The following WDR35 variants were observed in gnomAD, a reference collection of about 807,000 sequenced individuals.
WDR35 encodes the protein WD repeat domain 35.
WDR35 carries 118 observed loss-of-function variants against 158.3 expected under a neutral mutation model. The observed-to-expected ratio is 0.75, with a 90% confidence interval of 0.64 to 0.87. The LOEUF is 0.87. Ranked by LOEUF, WDR35 falls within the 40% of genes least tolerant of loss-of-function variation. The pLI, the probability that WDR35 is intolerant of heterozygous loss-of-function variation, is 0.00. For missense variants in WDR35, 1,263 were observed against 1,405.8 expected (o/e 0.90, Z 1.62); for synonymous variants, 448 against 476.1 (o/e 0.94, Z 0.77).
At chr2:19,951,562 GACA>G in intron 12 of WDR35, 78 bp from the exon 13 acceptor site, 2 of 1,116,124 alleles carry the variant, frequency 1.8e-6, no homozygotes, top group Non-Finnish European at 1.3e-6. Flanking sequence ...TAAACGATTG[GACA>G]ACATCAATTA....
chr2:19,944,087 A>G (rs1670971119), intron 16 of WDR35, among the ~76,000 whole-genome samples: 1 of 152,092 alleles, frequency 6.6e-6, no homozygotes, highest in Non-Finnish European at 1.5e-5. Context: ...ATGTTCTTAC[A>G]TGATCAATAA....
Position 19,914,206 on chromosome 2 carries a change from A to T in WDR35, c.3193T>A (p.Cys1065Ser), listed in dbSNP as rs200258619. 95 of 1,614,028 alleles carry T rather than the reference A, an allele frequency of 5.9e-5. No individual in the cohort carries two copies. The highest frequency in any genetic ancestry group is 7.7e-5 in the Non-Finnish European group (91 of 1,180,008). Residue 1065 changes from cysteine to serine, a missense_variant, in exon 26 of 27, where the codon TGC becomes AGC. Physicochemically the swap from Cys to Ser is moderately radical, Grantham distance 112. Coordinates refer to ENST00000281405, the MANE Select transcript of WDR35 (RefSeq NM_020779.4). ...CAAGTCCCAAAGGCTCTGCTGGCGC[A>T]TGCGCAGAGTGCTAGCAGAGAGTAG... ...EIYSLLALCA[C>S]ASRAFGTCSK... is the part of the protein sequence containing the mutation.
rs759975521 is a variant in WDR35, at chr2:19,945,955, A to G, written c.1676T>C (p.Phe559Ser). 2 of 1,613,958 alleles carry G rather than the reference A, an allele frequency of 1.2e-6. No individual in the cohort carries two copies. Among genetic ancestry groups the G allele is most frequent in the Non-Finnish European group, 1.7e-6 (2 of 1,179,848 alleles). Reference sequence around the variant, plus strand: ...GTCCGTTACTCGAGCATCCAAGTCAAAGAAAGTCAGAACTCCTGAGATGTC... The same window carrying G: ...GTCCGTTACTCGAGCATCCAAGTCAGAGAAAGTCAGAACTCCTGAGATGTC... ...IIDISGVLTF[F>S]DLDARVTDST... The change falls in exon 16 of 27, where the codon TTT (phenylalanine) becomes TCT (serine). Residue 559 changes from phenylalanine (F) to serine (S), a missense_variant. Physicochemically the swap from Phe to Ser is radical, Grantham distance 155. Coordinates refer to ENST00000281405, the MANE Select transcript of WDR35 (RefSeq NM_020779.4).
chr2:19,988,548 C>T (rs1281914194), intron 2 of WDR35, among the ~76,000 whole-genome samples: 2 of 152,138 alleles, frequency 1.3e-5, no homozygotes, highest in Admixed American at 6.5e-5. Flanking sequence ...GTAGTAAGAT[C>T]CTCAGCTAAC....
At chr2:19,914,416 G>A (rs1344424384) in intron 25 of WDR35, 139 bp from the exon 26 acceptor site, 7 of 1,071,870 alleles carry the variant, frequency 6.5e-6, no homozygotes, top group Non-Finnish European at 6.8e-6. Context: ...AGAGATGGGA[G>A]CACCAAGAGG....
Position 19,913,438 on chromosome 2 carries a change from A to G in WDR35, c.*120T>C. On this transcript the variant is annotated 3_prime_UTR_variant, in exon 27 of 27. Coordinates refer to ENST00000281405, the MANE Select transcript of WDR35 (RefSeq NM_020779.4). ...ATATATTTTGTGCAAAAATTCAACT[A>G]TAAATAATGAGGCTGATTTTCATAC... The G allele has an allele frequency of 7.5e-7, 1 of 1,335,998 alleles. No homozygotes were observed. The highest frequency in any genetic ancestry group is 1.4e-5 in the South Asian group (1 of 71,874). 82.8% of individuals were successfully genotyped at this position (1,335,998 alleles called of 1,614,324 possible).
chr2:19,941,711 TA>T, intron 17 of WDR35, 47 bp downstream of exon 17: 1 of 1,370,204 alleles, frequency 7.3e-7, no homozygotes, highest in Non-Finnish European at 1.0e-6. Flanking sequence ...GGTCCAGAAA[TA>T]ATCCCCTGTC....
At chr2:19,970,177 C>A (rs1176248444) in intron 8 of WDR35, among the ~76,000 whole-genome samples, 1 of 152,036 alleles carries the variant, frequency 6.6e-6, no homozygotes, top group East Asian at 1.9e-4. Context: ...TTATGTACAA[C>A]TAAGGAAAGG....
intron 25 of WDR35, among the ~76,000 whole-genome samples, chr2:19,920,518 C>T (rs1485682839): frequency 6.6e-6 from 1 of 152,164 alleles, no homozygotes; most frequent in Admixed American, 6.5e-5. Context: ...AAGCCTTCAA[C>T]AAAATTCAAC....
chr2:19,969,343 T>C lies in WDR35; in HGVS notation c.1008+137A>G, dbSNP rs1370821246. On this transcript the variant is annotated intron_variant, in intron 9 of 26. Transcript: ENST00000281405. Reference sequence around the variant, plus strand: ...TATATAGTATTCTAGAAAAGTTTACTAGTTCTAAAATCTTCACACAAAAAG... The same window carrying C: ...TATATAGTATTCTAGAAAAGTTTACCAGTTCTAAAATCTTCACACAAAAAG... 4 of 864,696 alleles carry C rather than the reference T, an allele frequency of 4.6e-6. 1 individual carries two copies. The highest frequency in any genetic ancestry group is 3.6e-5 in the South Asian group (2 of 56,072). The allele number at this position is 864,696 out of a possible 1,614,324, so 53.6% of individuals were successfully genotyped here.
At position 19,934,341 on chromosome 2, in the gene WDR35, C is replaced by T. The variant is rs1670624501; in HGVS notation, c.2548-830G>A. Among the ~76,000 whole-genome samples the T allele has an allele frequency of 1.3e-5, 2 of 152,190 alleles. No individual in the cohort carries two copies. The highest frequency in any genetic ancestry group is 4.1e-4 in the South Asian group (2 of 4,828). ...CTTATCATTCATAAGAAACCTCTCT[C>T]AATACTCTGGTGCAATTTCTTAACA... On this transcript the variant is annotated intron_variant, in intron 21 of 26. Coordinates refer to ENST00000281405, the MANE Select transcript of WDR35 (RefSeq NM_020779.4). The surrounding 1 kb of genome is among the most constrained non-coding windows in gnomAD (Gnocchi z 4.6).
intron 8 of WDR35, among the ~76,000 whole-genome samples, chr2:19,970,787 C>T (rs1184221980): frequency 7.2e-5 from 11 of 152,168 alleles, no homozygotes; most frequent in Non-Finnish European, 1.6e-4. Flanking sequence ...CCTCACAGCT[C>T]CCCTATCCTT....
In WDR35 at chr2:19,941,786, T is replaced by C; in HGVS notation, c.1899A>G (p.Lys633=). The change falls in exon 17 of 27, where the codon AAA becomes AAG. Residue 633 remains lysine (K), a synonymous_variant. Transcript: ENST00000281405. ...TTAATATCTCATCCAAAAGAACAGA[T>C]TTAATTTCTAAATCCTCAAAATTAC... ...YICNFEDLEI[K]SVLLDEILKD... is the part of the protein sequence containing the mutation. 6.4e-7 allele frequency: 1 copy of C among 1,570,972 alleles called. No homozygotes were observed. Among genetic ancestry groups the C allele is most frequent in the Non-Finnish European group, 8.7e-7 (1 of 1,149,604 alleles).
chr2:19,973,916 T>G (rs1206112177), intron 7 of WDR35, among the ~76,000 whole-genome samples: 1 of 151,700 alleles, frequency 6.6e-6, no homozygotes, highest in Non-Finnish European at 1.5e-5. Context: ...AAGATCGGCC[T>G]GGGCAACATG....
intron 25 of WDR35, among the ~76,000 whole-genome samples, chr2:19,920,539 C>A (rs1031651394): frequency 1.3e-5 from 2 of 152,118 alleles, no homozygotes; most frequent in Non-Finnish European, 2.9e-5. Flanking sequence ...AGCCTTCATA[C>A]GAAAAACTCT....
chr2:19,913,261 T>C lies in WDR35; in HGVS notation c.*297A>G, dbSNP rs886891593. On this transcript the variant is annotated 3_prime_UTR_variant, in exon 27 of 27. Transcript: ENST00000281405. Reference sequence around the variant, plus strand: ...TACCTTGACACTGTGAGAAAAAAATTTATTTGGAATATTTCCATGGTATCA... The same window carrying C: ...TACCTTGACACTGTGAGAAAAAAATCTATTTGGAATATTTCCATGGTATCA... 1.5e-5 allele frequency: 4 copies of C among 262,736 alleles called. No homozygotes were observed. Among genetic ancestry groups the C allele is most frequent in the Admixed American group, 4.9e-5 (1 of 20,390 alleles). 16.3% of individuals were successfully genotyped at this position (262,736 alleles called of 1,614,324 possible).
Position 19,966,785 on chromosome 2 carries a change from G to A in WDR35, c.1133C>T (p.Ser378Phe). Residue 378 changes from serine to phenylalanine, a missense_variant, in exon 10 of 27, where the codon TCT becomes TTT. Physicochemically the swap from Ser to Phe is radical, Grantham distance 155. Transcript: ENST00000281405. ...KYVKYVKGLI[S>F]ITTCGDFCIL... ...GCAGAAATCTCCACAGGTAGTAATA[G>A]AAATGAGACCCTTCACATATTTAAC... 1 of 1,614,010 alleles carries A rather than the reference G, an allele frequency of 6.2e-7. No homozygotes were observed. The highest frequency in any genetic ancestry group is 8.5e-7 in the Non-Finnish European group (1 of 1,179,952).
intron 25 of WDR35, among the ~76,000 whole-genome samples, chr2:19,916,746 A>T (rs1670003168): frequency 6.6e-6 from 1 of 152,068 alleles, no homozygotes; most frequent in African/African-American, 2.4e-5. Context: ...TATAGATAAA[A>T]CTTCCACCTC....
In WDR35 at chr2:19,913,368, C is replaced by T. The variant is rs1558317475; in HGVS notation, c.*190G>A. On this transcript the variant is annotated 3_prime_UTR_variant, in exon 27 of 27. Transcript: ENST00000281405. ...TTCATACATTTATATGAAAATCGGC[C>T]TTATTATTTCACAGTTGTATTGCCA... 1 of 567,058 alleles carries T rather than the reference C, an allele frequency of 1.8e-6. No homozygotes were observed. The highest frequency in any genetic ancestry group is 2.9e-6 in the Non-Finnish European group (1 of 344,266). 35.1% of individuals were successfully genotyped at this position (567,058 alleles called of 1,614,324 possible).
Sources: allele counts gnomAD v4.1 joint callset (sites outside exome capture counted in the v4.1 genomes callset), GRCh38; gene constraint gnomAD v4.1.1; non-coding constraint Gnocchi (gnomAD v3.1); transcripts MANE v1.5; gene names NCBI Gene and HGNC (gene_info 2026-07-23, HGNC 2026-07-21).